Variants in PCSK5 observed in about 807,000 individuals in gnomAD.
PCSK5 encodes proprotein convertase subtilisin/kexin type 5, also known as prohormone convertase 5.
Under a neutral mutation model 233.2 loss-of-function variants are expected in PCSK5, and 129 were observed. That is an observed-to-expected ratio of 0.55 (90% confidence interval 0.48 to 0.64). PCSK5 has a LOEUF of 0.64. Ranked by LOEUF, PCSK5 falls within the 30% of genes least tolerant of loss-of-function variation. The pLI, the probability that PCSK5 is intolerant of heterozygous loss-of-function variation, is 0.00. For synonymous variants in PCSK5, 825 were observed against 879.2 expected (o/e 0.94, Z 1.09); for missense variants, 2,076 against 2,430.1 (o/e 0.85, Z 3.06).
intron 5 of PCSK5, among the ~76,000 whole-genome samples, chr9:76,036,783 G>T (rs1037754263): frequency 6.6e-6 from 1 of 152,238 alleles, no homozygotes; most frequent in African/African-American, 2.4e-5. Context: ...CACACTGTCT[G>T]ATTACCTGCA....
intron 24 of PCSK5, among the ~76,000 whole-genome samples, chr9:76,265,708 T>G (rs1389803484): frequency 6.6e-6 from 1 of 152,130 alleles, no homozygotes; most frequent in East Asian, 1.9e-4. Flanking sequence ...ACTGAAATGT[T>G]TATGGGTAAA....
rs374927017 is a variant in PCSK5 at position 76,167,833 on chromosome 9, CTTTAGTTACCATAACGTTTG to C, written c.1620-1868_1620-1849del. ...TTGTGTGTTCTGAATAGCCATCAAACTTTAGTTACCATAACGTTTGTTACCATTTGTCCCCATTGAAGGAG... is the reference window on the plus strand; with the variant it reads ...TTGTGTGTTCTGAATAGCCATCAAACTTACCATTTGTCCCCATTGAAGGAG... On this transcript the variant is annotated intron_variant, in intron 12 of 37. Transcript: ENST00000674117. Among the ~76,000 whole-genome samples, 623 of 152,224 alleles carry C rather than the reference CTTTAGTTACCATAACGTTTG, an allele frequency of 4.1e-3. 5 individuals carry two copies. The highest frequency in any genetic ancestry group is 0.014 in the African/African-American group (585 of 41,540).
chr9:76,042,055 G>A (rs1829144034), intron 5 of PCSK5, among the ~76,000 whole-genome samples: 1 of 152,014 alleles, frequency 6.6e-6, no homozygotes, highest in Admixed American at 6.6e-5. Flanking sequence ...TTATATATAG[G>A]GTGTTACCTT....
At chr9:76,235,589 T>C (rs137942471) in intron 22 of PCSK5, among the ~76,000 whole-genome samples, 54 of 152,266 alleles carry the variant, frequency 3.5e-4, no homozygotes, top group Non-Finnish European at 5.1e-4. Flanking sequence ...ATGAGATAAA[T>C]GATAGCATGA....
intron 5 of PCSK5, among the ~76,000 whole-genome samples, chr9:76,056,471 C>T (rs1829822367): frequency 6.6e-6 from 1 of 152,124 alleles, no homozygotes; most frequent in Admixed American, 6.5e-5. Flanking sequence ...CCATGAAGGC[C>T]CTACACTCAC....
rs777960914 is a variant in PCSK5, at chr9:76,362,710, A to C, written c.*3788A>C. On this transcript the variant is annotated 3_prime_UTR_variant, in exon 38 of 38. Transcript: ENST00000674117. ...CAGTTAAAGATCGACCTCTGACCTA[A>C]CCGGTTATGTTATCTATAGATTCCA... is the stretch of plus-strand genomic sequence containing the variant. Among the ~76,000 whole-genome samples the C allele has an allele frequency of 5.9e-4, 90 of 152,296 alleles. No homozygotes were observed. Among genetic ancestry groups the C allele is most frequent in the Admixed American group, 2.9e-3 (45 of 15,292 alleles).
chr9:76,047,323 G>A (rs1829454996), intron 5 of PCSK5, among the ~76,000 whole-genome samples: 1 of 151,240 alleles, frequency 6.6e-6, no homozygotes, highest in Admixed American at 6.6e-5. Flanking sequence ...GTCTCGATCT[G>A]CTGACGTTGT....
rs1822731048 is a variant in PCSK5 at position 76,159,028 on chromosome 9, A to G, written c.1476A>G (p.Ser492=). ...NSAVRSIYKA[S]GCSDNPNRHV... is the part of the protein sequence containing the mutation. ...CAGTGCGCTCCATCTACAAAGCTTC[A>G]GGCTGCTCGGATAACCCCAACCGCC... Residue 492 remains serine (S), a synonymous_variant, in exon 12 of 38, where the codon TCA becomes TCG. Coordinates refer to ENST00000674117, the MANE Select transcript of PCSK5 (RefSeq NM_001372043.1). The G allele has an allele frequency of 3.1e-6, 5 of 1,614,122 alleles. No individual in the cohort carries two copies. Among genetic ancestry groups the G allele is most frequent in the Non-Finnish European group, 4.2e-6 (5 of 1,179,990 alleles).
chr9:76,322,194 C>T (rs1439237658), intron 31 of PCSK5, among the ~76,000 whole-genome samples: 1 of 152,334 alleles, frequency 6.6e-6, no homozygotes, highest in South Asian at 2.1e-4. Flanking sequence ...AGGTGATCCA[C>T]CGTCCTCAGC....
At chr9:76,276,853 C>A (rs1056941550) in intron 24 of PCSK5, among the ~76,000 whole-genome samples, 1 of 152,204 alleles carries the variant, frequency 6.6e-6, no homozygotes, top group Non-Finnish European at 1.5e-5. Context: ...CAAAACAGAA[C>A]AACCTGTCTT....
At chr9:75,936,988 T>A (rs564118160) in intron 2 of PCSK5, among the ~76,000 whole-genome samples, 3 of 152,232 alleles carry the variant, frequency 2.0e-5, no homozygotes, top group African/African-American at 7.2e-5. Context: ...CCTTGTAAAT[T>A]TCCATCAGTG....
intron 24 of PCSK5, among the ~76,000 whole-genome samples, chr9:76,246,988 C>A (rs117744768): frequency 1.3e-5 from 2 of 152,156 alleles, no homozygotes; most frequent in Non-Finnish European, 2.9e-5. Context: ...CGGAATCTTG[C>A]GCCATGAGGT....
At chr9:75,929,743 G>A (rs1163772063) in intron 1 of PCSK5, among the ~76,000 whole-genome samples, 1 of 152,168 alleles carries the variant, frequency 6.6e-6, no homozygotes, top group Non-Finnish European at 1.5e-5. Flanking sequence ...GTTCCACGTA[G>A]CTGGGGAGGC....
Position 76,225,087 on chromosome 9 carries a change from G to A in PCSK5, c.2627-2416G>A, listed in dbSNP as rs183150246. Among the ~76,000 whole-genome samples, 980 of 152,300 alleles carry A rather than the reference G, an allele frequency of 6.4e-3. 12 individuals are homozygous for A. Among genetic ancestry groups the A allele is most frequent in the Non-Finnish European group, 7.0e-3 (478 of 68,024 alleles). ...GCACTGATGTCAAGGCAAAGTAATT[G>A]TCTTTGCCTCTGGGTCTAGCAGAGT... On this transcript the variant is annotated intron_variant, in intron 20 of 37. Transcript: ENST00000674117.
chr9:76,296,897 G>A (rs1234393848), intron 27 of PCSK5, 32 bp downstream of exon 27: 2 of 1,429,972 alleles, frequency 1.4e-6, no homozygotes, highest in African/African-American at 2.8e-5. Flanking sequence ...GGTCACAGGG[G>A]TCTAGCGACC....
intron 22 of PCSK5, among the ~76,000 whole-genome samples, chr9:76,238,703 CA>C (rs1219059862): frequency 6.6e-6 from 1 of 152,114 alleles, no homozygotes; most frequent in Non-Finnish European, 1.5e-5. Context: ...CATCATTTTG[CA>C]ATGACATCCC....
chr9:76,262,053 G>A (rs542942950), intron 24 of PCSK5, among the ~76,000 whole-genome samples: 1 of 152,270 alleles, frequency 6.6e-6, no homozygotes, highest in Non-Finnish European at 1.5e-5. Flanking sequence ...TTGAATAGGA[G>A]TGGTGAGAGA....
rs547444167 is a variant in PCSK5, at chr9:76,184,430, G to A, written c.2198-243G>A. ...AAACTATTCAACTAAGAATTAGCTA[G>A]GCTATCATTTTCTTGTCTGCAAAAT... On this transcript the variant is annotated intron_variant, in intron 16 of 37. Coordinates refer to ENST00000674117, the MANE Select transcript of PCSK5 (RefSeq NM_001372043.1). 2.6e-4 allele frequency among the ~76,000 whole-genome samples: 39 copies of A among 148,306 alleles called. No homozygotes were observed. In the South Asian group the frequency reaches 8.3e-3, roughly 31 times the overall value.
At chr9:76,013,158 C>T (rs1827803580) in intron 3 of PCSK5, among the ~76,000 whole-genome samples, 1 of 152,108 alleles carries the variant, frequency 6.6e-6, no homozygotes, top group Admixed American at 6.5e-5. Context: ...TAGGGGACCA[C>T]TGTTAATGTT....
Sources: gnomAD v4.1 joint callset for allele counts (sites outside exome capture counted in the v4.1 genomes callset) on GRCh38, gnomAD v4.1.1 for gene constraint, MANE v1.5 for transcripts, NCBI Gene and HGNC (gene_info 2026-07-23, HGNC 2026-07-21) for gene names.